MYO1F: variants seen among roughly 807,000 people sequenced by gnomAD.
MYO1F encodes unconventional myosin-If.
MYO1F carries 60 observed loss-of-function variants against 146.6 expected under a neutral mutation model. The observed-to-expected ratio is 0.41, with a 90% confidence interval of 0.33 to 0.51. The LOEUF is 0.51. Among genes scored for constraint, MYO1F ranks in the 20% least tolerant of loss-of-function variants. MYO1F has a pLI of 0.25. For missense variants in MYO1F, 1,274 were observed against 1,534.3 expected, an observed-to-expected ratio of 0.83 and a Z score of 2.83; for synonymous variants, 602 against 602.1, an observed-to-expected ratio of 1.00 and a Z score of 0.00.
chr19:8,565,926 C>T (rs2041993814), intron 1 of MYO1F, among the ~76,000 whole-genome samples: 1 of 146,586 alleles, frequency 6.8e-6, no homozygotes, highest in Non-Finnish European at 1.5e-5. Context: ...CCCATCTCTG[C>T]AAAAAAAAAT....
intron 16 of MYO1F, 21 bp downstream of exon 16, chr19:8,539,926 C>T (rs190626111): frequency 1.2e-5 from 19 of 1,609,698 alleles, no homozygotes; most frequent in South Asian, 6.6e-5. Flanking sequence ...CCCAGCTCCC[C>T]GTTGTACACC....
At chr19:8,568,118 A>T (rs1005702058) in intron 1 of MYO1F, among the ~76,000 whole-genome samples, 7 of 152,074 alleles carry the variant, frequency 4.6e-5, no homozygotes, top group Admixed American at 2.0e-4. Flanking sequence ...TCCATGCTCC[A>T]GCCACCTGTA....
chr19:8,557,392 G>A (rs1405799066), intron 1 of MYO1F, among the ~76,000 whole-genome samples: 1 of 152,124 alleles, frequency 6.6e-6, no homozygotes, highest in African/African-American at 2.4e-5. Flanking sequence ...AACCTCCTGG[G>A]CTCAAGCAAT....
intron 1 of MYO1F, among the ~76,000 whole-genome samples, chr19:8,574,577 T>TTCTTTCTTTCTTTCTTTCTTTC (rs1335184271): frequency 1.1e-4 from 9 of 79,776 alleles, no homozygotes; most frequent in Non-Finnish European, 1.9e-4. Context: ...CTTTCTTTCT[T>TTCTTTCTTTCTTTCTTTCTTTC]TCTCTCTCTC....
chr19:8,547,931 C>T (rs574721871), intron 12 of MYO1F, 105 bp downstream of exon 12: 93 of 1,096,984 alleles, frequency 8.5e-5, no homozygotes, highest in Admixed American at 3.8e-4. Flanking sequence ...GGTGGGAACG[C>T]GGTGGGGAGG....
intron 14 of MYO1F, among the ~76,000 whole-genome samples, chr19:8,543,760 T>C (rs1360453047): frequency 1.1e-4 from 1 of 9,146 alleles, no homozygotes; most frequent in Non-Finnish European, 2.1e-4. Flanking sequence ...GTGGTGGTGG[T>C]GGTGGTGCTG....
At chr19:8,560,527 C>CT in intron 1 of MYO1F, among the ~76,000 whole-genome samples, 1 of 149,934 alleles carries the variant, frequency 6.7e-6, no homozygotes, top group South Asian at 2.1e-4. Flanking sequence ...TTGCCTCTGT[C>CT]TACACGCACA....
At chr19:8,540,090 C>G in intron 15 of MYO1F, 62 bp from the exon 16 acceptor site, 1 of 1,393,154 alleles carries the variant, frequency 7.2e-7, no homozygotes, top group Non-Finnish European at 1.0e-6. Flanking sequence ...TACTCTTCCT[C>G]CAGGGGTGGG....
rs201618281 is a variant in MYO1F at position 8,525,484 on chromosome 19, G to T, written c.2849C>A (p.Pro950His). The T allele has an allele frequency of 2.5e-6, 4 of 1,612,906 alleles. No individual in the cohort carries two copies. The highest frequency in any genetic ancestry group is 1.7e-5 in the Admixed American group (1 of 60,014). ...QAPTRAAPAP[P>H]RGMDRNGVPP... ...CAAGGGACGCAGCTCCTCACCTCTGGGGGGCGCAGGGGCCGCCCGGGTAGG... is the reference window on the plus strand; with the variant it reads ...CAAGGGACGCAGCTCCTCACCTCTGTGGGGCGCAGGGGCCGCCCGGGTAGG... The change falls in exon 25 of 28, where the codon CCC becomes CAC. Residue 950 changes from proline (P) to histidine (H), a missense_variant. Coordinates refer to ENST00000644032, the MANE Select transcript of MYO1F (RefSeq NM_012335.4).
intron 13 of MYO1F, chr19:8,545,355 C>G: frequency 2.6e-6 from 1 of 391,476 alleles, no homozygotes; most frequent in Non-Finnish European, 4.9e-6. Context: ...TCCCAAAGTG[C>G]TGGGATTACA....
At chr19:8,556,296 C>T (rs1335566246) in intron 1 of MYO1F, among the ~76,000 whole-genome samples, 1 of 150,632 alleles carries the variant, frequency 6.6e-6, no homozygotes, top group Non-Finnish European at 1.5e-5. Flanking sequence ...TCCCAAAGTG[C>T]TGGGATTACA....
chr19:8,571,722 C>T (rs2042112533), intron 1 of MYO1F, among the ~76,000 whole-genome samples: 2 of 152,232 alleles, frequency 1.3e-5, no homozygotes, highest in South Asian at 4.1e-4. Context: ...CTCAGCCTCC[C>T]AAGTAGCTGG....
chr19:8,572,371 G>C lies in MYO1F; in HGVS notation c.3+4936C>G, dbSNP rs142542540. Among the ~76,000 whole-genome samples, 1,293 of 152,096 alleles carry C rather than the reference G, an allele frequency of 8.5e-3. 24 individuals carry two copies. The highest frequency in any genetic ancestry group is 0.03 in the African/African-American group (1,226 of 41,486). On this transcript the variant is annotated intron_variant, in intron 1 of 27. Coordinates refer to ENST00000644032, the MANE Select transcript of MYO1F (RefSeq NM_012335.4). ...CAACCTCTGCCTCTCGGGTTCAAGC[G>C]ATTCTGCTGCCTCAGCCTCCTGAGT...
rs200375822 is a variant in MYO1F at position 8,530,494 on chromosome 19, A to T, written c.2123T>A (p.Val708Glu). Residue 708 changes from valine (V) to glutamate (E), a missense_variant, in exon 20 of 28, where the codon GTG becomes GAG. Val to Glu is a moderately radical substitution (Grantham distance 121). Transcript: ENST00000644032. The surrounding 1 kb of genome is among the most constrained non-coding windows in gnomAD (Gnocchi z 5.8). Reference sequence around the variant, plus strand: ...CATCTCCTCGTACTTCCGGACAGCCACGTGGCGCCGCCAGGCCTTCTGGAT... The same window carrying T: ...CATCTCCTCGTACTTCCGGACAGCCTCGTGGCGCCGCCAGGCCTTCTGGAT... ...RTIQKAWRRH[V>E]AVRKYEEMRE... 7.2e-5 allele frequency: 116 copies of T among 1,613,758 alleles called. No individual in the cohort carries two copies. In the East Asian group the frequency reaches 1.8e-3, roughly 24 times the overall value.
Position 8,527,265 on chromosome 19 carries a change from C to T in MYO1F, c.2474+73G>A, listed in dbSNP as rs111542097. The T allele has an allele frequency of 1.9e-3, 2,960 of 1,596,262 alleles. 44 individuals are homozygous for T. In the African/African-American group the frequency reaches 0.034, roughly 19 times the overall value. On this transcript the variant is annotated intron_variant, in intron 22 of 27. Transcript: ENST00000644032. Reference sequence around the variant, plus strand: ...CAGGTAAGATTGTCAGGGTAACAGACGGGGTCACTAGAATGAGGGCAGCCA... The same window carrying T: ...CAGGTAAGATTGTCAGGGTAACAGATGGGGTCACTAGAATGAGGGCAGCCA...
Position 8,524,175 on chromosome 19 carries a change from G to A in MYO1F, c.2854+1304C>T, listed in dbSNP as rs1388779445. 2.7e-5 allele frequency among the ~76,000 whole-genome samples: 4 copies of A among 145,684 alleles called. No homozygotes were observed. In the East Asian group the frequency reaches 8.3e-4, roughly 30 times the overall value. Reference sequence around the variant, plus strand: ...GTGGCTCACACCTGTAATCCCAGCAGTTTGGGAGGCCGAGGCGGGTGGATC... The same window carrying A: ...GTGGCTCACACCTGTAATCCCAGCAATTTGGGAGGCCGAGGCGGGTGGATC... On this transcript the variant is annotated intron_variant, in intron 25 of 27. Transcript: ENST00000644032.
At chr19:8,574,586 T>G (rs1428884181) in intron 1 of MYO1F, among the ~76,000 whole-genome samples, 1 of 87,010 alleles carries the variant, frequency 1.1e-5, no homozygotes, top group African/African-American at 5.2e-5. Context: ...TTTCTCTCTC[T>G]CTCTCTCTCT....
chr19:8,542,168 G>A (rs538752469), intron 14 of MYO1F, among the ~76,000 whole-genome samples, 177 bp from the exon 15 acceptor site: 1 of 151,554 alleles, frequency 6.6e-6, no homozygotes, highest in African/African-American at 2.4e-5. Context: ...ATAGGGGATG[G>A]GGGGCGGGCT....
In MYO1F at chr19:8,570,911, C is replaced by T. The variant is rs370339092; in HGVS notation, c.3+6396G>A. On this transcript the variant is annotated intron_variant, in intron 1 of 27. Transcript: ENST00000644032. ...ACCTCTCTGCCTCAGTTTCCTCATT[C>T]GGAAAATGGGAACATCGAGGGGTGC... 7.9e-5 allele frequency among the ~76,000 whole-genome samples: 12 copies of T among 152,146 alleles called. No individual in the cohort carries two copies. The South Asian group carries it at 8.3e-4, about 11-fold the overall frequency.
Sources: allele counts gnomAD v4.1 joint callset (sites outside exome capture counted in the v4.1 genomes callset), GRCh38; gene constraint gnomAD v4.1.1; non-coding constraint Gnocchi (gnomAD v3.1); transcripts MANE v1.5; gene names NCBI Gene and HGNC (gene_info 2026-07-23, HGNC 2026-07-21).